KRABD5: variants seen among roughly 807,000 people sequenced by gnomAD.
KRABD5 encodes the protein KRAB domain-containing protein 5.
chr16:31,737,924 C>T, the KRABD5 span, among the ~76,000 whole-genome samples: 1 of 152,112 alleles, frequency 6.6e-6, no homozygotes, highest in Non-Finnish European at 1.5e-5. Flanking sequence ...GTAGTATTGA[C>T]ATCTTAACAG....
the KRABD5 span, among the ~76,000 whole-genome samples, chr16:31,724,051 T>C: frequency 2.0e-5 from 3 of 152,186 alleles, no homozygotes; most frequent in Non-Finnish European, 4.4e-5. Flanking sequence ...CTTAACTAAA[T>C]GAATGTCTAT....
chr16:31,733,448 T>G, the KRABD5 span: 1 of 452,718 alleles, frequency 2.2e-6, no homozygotes, highest in South Asian at 1.6e-5. Context: ...GTGTACAGTT[T>G]ATTAGTGTTA....
At chr16:31,742,067 TG>T in the KRABD5 span, among the ~76,000 whole-genome samples, 1 of 152,156 alleles carries the variant, frequency 6.6e-6, no homozygotes, top group African/African-American at 2.4e-5. Flanking sequence ...TGCTTATTTT[TG>T]TTGACTTTGT....
chr16:31,732,197 G>A, the KRABD5 span, among the ~76,000 whole-genome samples: 3 of 152,118 alleles, frequency 2.0e-5, no homozygotes, highest in African/African-American at 7.2e-5. Context: ...CTTGATCTTG[G>A]GCTCCAGCTG....
the KRABD5 span, among the ~76,000 whole-genome samples, chr16:31,716,798 G>A: frequency 6.6e-6 from 1 of 152,160 alleles, no homozygotes; most frequent in Non-Finnish European, 1.5e-5. Flanking sequence ...AGATCTCCCA[G>A]TTGTGAGAAC....
chr16:31,750,449 T>C, the KRABD5 span, among the ~76,000 whole-genome samples: 2 of 152,210 alleles, frequency 1.3e-5, no homozygotes, highest in South Asian at 2.1e-4. Context: ...GCACAGTCTT[T>C]CCAGGTGTAG....
the KRABD5 span, among the ~76,000 whole-genome samples, chr16:31,720,305 A>G: frequency 6.6e-6 from 1 of 152,242 alleles, no homozygotes. Context: ...CGTTGTGATT[A>G]GAGTATTGGG....
the KRABD5 span, chr16:31,713,517 G>C: frequency 1.3e-6 from 2 of 1,527,924 alleles, no homozygotes; most frequent in Non-Finnish European, 1.8e-6. Flanking sequence ...GGTTAGCTTC[G>C]GGGTCTGGGC....
chr16:31,717,579 A>G, the KRABD5 span, among the ~76,000 whole-genome samples: 2 of 152,186 alleles, frequency 1.3e-5, no homozygotes, highest in African/African-American at 2.4e-5. Context: ...CAGGTCTTCT[A>G]TTGAGGACTA....
chr16:31,757,525 A>AT, the KRABD5 span: 2 of 152,224 alleles, frequency 1.3e-5, no homozygotes, highest in African/African-American at 4.8e-5. Flanking sequence ...GAGGATGGGG[A>AT]TAAAAGGTCT....
chr16:31,717,849 T>C, the KRABD5 span, among the ~76,000 whole-genome samples: 1 of 152,174 alleles, frequency 6.6e-6, no homozygotes, highest in Non-Finnish European at 1.5e-5. Context: ...GCAAAGTGCC[T>C]ATTGCCCCGA....
chr16:31,759,053 G>A, the KRABD5 span: 4 of 262,138 alleles, frequency 1.5e-5, no homozygotes, highest in Non-Finnish European at 3.0e-5. Context: ...GATTCATATT[G>A]TATTCCCTGC....
chr16:31,713,414 A>G, the KRABD5 span: 1 of 1,605,122 alleles, frequency 6.2e-7, no homozygotes. Context: ...AGACGCCAGG[A>G]CATCCCGGAA....
the KRABD5 span, among the ~76,000 whole-genome samples, chr16:31,726,011 T>C: frequency 6.6e-6 from 1 of 152,240 alleles, no homozygotes; most frequent in African/African-American, 2.4e-5. Flanking sequence ...TTTTTTGATT[T>C]TGTTGATTGT....
the KRABD5 span, among the ~76,000 whole-genome samples, chr16:31,752,383 C>T: frequency 2.0e-5 from 3 of 151,870 alleles, no homozygotes; most frequent in Non-Finnish European, 4.4e-5. Context: ...TGTTGAAATA[C>T]CTCACTGTTA....
At chr16:31,733,650 T>A in the KRABD5 span, 1 of 455,718 alleles carries the variant, frequency 2.2e-6, no homozygotes, top group Admixed American at 2.3e-5. Flanking sequence ...AAACAGTGTC[T>A]CTTTCTTTTT....
chr16:31,734,937 C>T, the KRABD5 span, among the ~76,000 whole-genome samples: 3 of 151,598 alleles, frequency 2.0e-5, no homozygotes, highest in Non-Finnish European at 4.4e-5. Flanking sequence ...TTAGTAGAGA[C>T]GGGGTTTCAA....
At chr16:31,726,744 C>T in the KRABD5 span, among the ~76,000 whole-genome samples, 8 of 151,728 alleles carry the variant, frequency 5.3e-5, no homozygotes, top group Non-Finnish European at 7.4e-5. Flanking sequence ...TGAGCAACAG[C>T]GAGACTCTGC....
the KRABD5 span, among the ~76,000 whole-genome samples, chr16:31,753,399 C>G: frequency 6.6e-6 from 1 of 152,120 alleles, no homozygotes; most frequent in South Asian, 2.1e-4. Flanking sequence ...TTTAGATAGC[C>G]CCAGAATAAC....
Sources: gnomAD v4.1 joint callset for allele counts (sites outside exome capture counted in the v4.1 genomes callset) on GRCh38, gnomAD v4.1.1 for gene constraint, MANE v1.5 for transcripts, NCBI Gene and HGNC (gene_info 2026-07-23, HGNC 2026-07-21) for gene names.